The following IMMP2L variants were observed in gnomAD, a reference collection of about 807,000 sequenced individuals.
IMMP2L encodes inner mitochondrial membrane peptidase subunit 2, also known as mitochondrial inner membrane protease subunit 2.
In IMMP2L, 18 loss-of-function variants were observed where a neutral mutation model predicts 19.3. The ratio of observed to expected loss-of-function variants is 0.93; its 90% confidence interval spans 0.64 to 1.38. The LOEUF is 1.38. Among genes scored for constraint, IMMP2L ranks in the 40% most tolerant of loss-of-function variants. The probability of loss-of-function intolerance (pLI) is 0.00; values close to 1 mark genes in which losing one functional copy is unlikely to be tolerated. For missense variants in IMMP2L, 233 were observed against 218.2 expected, an observed-to-expected ratio of 1.07 and a Z score of -0.43; for synonymous variants, 76 against 73.0, an observed-to-expected ratio of 1.04 and a Z score of -0.21.
rs573113093 is a variant in IMMP2L, at chr7:110,928,277, C to A, written c.305+35223G>T. Among the ~76,000 whole-genome samples, 7 of 147,694 alleles carry A rather than the reference C, an allele frequency of 4.7e-5. No homozygotes were observed. The South Asian group carries it at 6.5e-4, about 14-fold the overall frequency. On this transcript the variant is annotated intron_variant, in intron 4 of 5. Coordinates refer to ENST00000405709, the MANE Select transcript of IMMP2L (RefSeq NM_032549.4). ...GCTCTTCTGTTTTTCAATTTAAGAA[C>A]AATAAAGAAAAATTTATTATCCAAA...
intron 3 of IMMP2L, among the ~76,000 whole-genome samples, chr7:111,104,310 T>C (rs1312770552): frequency 6.6e-6 from 1 of 151,800 alleles, no homozygotes; most frequent in Non-Finnish European, 1.5e-5. Flanking sequence ...CTGTAAATGT[T>C]TACTTCTGTA....
chr7:110,704,674 C>T (rs538483284), intron 5 of IMMP2L, among the ~76,000 whole-genome samples: 10 of 152,152 alleles, frequency 6.6e-5, no homozygotes, highest in Non-Finnish European at 1.3e-4. Flanking sequence ...TTCCTACTCA[C>T]CTGGTTTTGC....
rs746214329 is a variant in IMMP2L, at chr7:110,778,936, A to T, written c.408+107657T>A. Among the ~76,000 whole-genome samples the T allele has an allele frequency of 3.9e-5, 6 of 151,980 alleles. No homozygotes were observed. The South Asian group carries it at 8.3e-4, about 21-fold the overall frequency. ...AGTCATCGGGTTAAAATGATTGAAC[A>T]TCCAGCTGGGAAGTGGTGCTCAGTG... On this transcript the variant is annotated intron_variant, in intron 5 of 5. Transcript: ENST00000405709.
At chr7:111,049,041 CTCCAGGCA>C (rs1394661509) in intron 3 of IMMP2L, among the ~76,000 whole-genome samples, 1 of 151,808 alleles carries the variant, frequency 6.6e-6, no homozygotes, top group African/African-American at 2.4e-5. Context: ...AGCCAAATAC[CTCCAGGCA>C]TCTTTTAAAA....
At chr7:111,062,956 TCAGTAGTGCTAC>T (rs1381325177) in intron 3 of IMMP2L, among the ~76,000 whole-genome samples, 1 of 152,186 alleles carries the variant, frequency 6.6e-6, no homozygotes, top group East Asian at 1.9e-4. Context: ...GTGCAAGTTG[TCAGTAGTGCTAC>T]CATTCTGGAG....
intron 3 of IMMP2L, among the ~76,000 whole-genome samples, chr7:111,020,104 C>T (rs920844809): frequency 6.7e-6 from 1 of 148,506 alleles, no homozygotes; most frequent in Non-Finnish European, 1.5e-5. Context: ...AAAAAAAAGG[C>T]CTAGCACGGT....
intron 3 of IMMP2L, among the ~76,000 whole-genome samples, chr7:111,407,367 A>T (rs1479507001): frequency 6.6e-6 from 1 of 152,124 alleles, no homozygotes; most frequent in Non-Finnish European, 1.5e-5. Flanking sequence ...AAGCATATTC[A>T]TGGTATTATT....
At chr7:110,817,555 T>C (rs1802640442) in intron 5 of IMMP2L, among the ~76,000 whole-genome samples, 1 of 152,172 alleles carries the variant, frequency 6.6e-6, no homozygotes, top group African/African-American at 2.4e-5. Flanking sequence ...ATTTATAGAT[T>C]CCATGCCATC....
intron 3 of IMMP2L, among the ~76,000 whole-genome samples, chr7:111,321,248 G>A (rs971771375): frequency 1.3e-5 from 2 of 151,902 alleles, no homozygotes; most frequent in African/African-American, 4.8e-5. Flanking sequence ...CATACAGTGA[G>A]AATGTAAGTC....
At chr7:111,238,437 T>C (rs941972628) in intron 3 of IMMP2L, among the ~76,000 whole-genome samples, 1 of 152,040 alleles carries the variant, frequency 6.6e-6, no homozygotes, top group Non-Finnish European at 1.5e-5. Flanking sequence ...GACAATACGA[T>C]GTATCACTCA....
intron 2 of IMMP2L, among the ~76,000 whole-genome samples, chr7:111,499,728 T>C (rs986257505): frequency 6.6e-6 from 1 of 152,162 alleles, no homozygotes; most frequent in Admixed American, 6.5e-5. Context: ...TTAAGATTCT[T>C]TTCTGTTCTC....
At chr7:110,881,332 C>G (rs1357502688) in intron 5 of IMMP2L, among the ~76,000 whole-genome samples, 1 of 152,104 alleles carries the variant, frequency 6.6e-6, no homozygotes, top group East Asian at 1.9e-4. Context: ...CTAGGTAAAG[C>G]ATGTGAGGTT....
At chr7:111,394,090 T>G (rs1446331900) in intron 3 of IMMP2L, among the ~76,000 whole-genome samples, 1 of 152,188 alleles carries the variant, frequency 6.6e-6, no homozygotes, top group African/African-American at 2.4e-5. Flanking sequence ...TTAAAATATT[T>G]TATCATCTCT....
intron 3 of IMMP2L, among the ~76,000 whole-genome samples, chr7:111,156,051 T>G (rs111526143): frequency 0.042 from 6,350 of 152,102 alleles, 198 homozygotes; most frequent in South Asian, 0.08. Flanking sequence ...TTGTGCCTTT[T>G]CATTGCTCTA....
intron 2 of IMMP2L, among the ~76,000 whole-genome samples, chr7:111,493,124 C>T (rs992697950): frequency 2.6e-5 from 4 of 152,096 alleles, no homozygotes; most frequent in Admixed American, 6.6e-5. Context: ...GTATACATCT[C>T]TTTCAATGAA....
At chr7:110,751,533 T>C (rs4376443) in intron 5 of IMMP2L, among the ~76,000 whole-genome samples, 99,067 of 151,688 alleles carry the variant, frequency 0.65, 32,399 homozygotes, top group East Asian at 0.81. Context: ...AAGAATAACC[T>C]TGATAACCAG....
intron 5 of IMMP2L, among the ~76,000 whole-genome samples, chr7:110,837,356 A>C (rs1323934190): frequency 6.6e-6 from 1 of 152,000 alleles, no homozygotes; most frequent in East Asian, 1.9e-4. Flanking sequence ...AAAGAGGGGA[A>C]GGAAACAAAA....
chr7:110,953,014 T>C (rs1050011835), intron 4 of IMMP2L, among the ~76,000 whole-genome samples: 1 of 152,098 alleles, frequency 6.6e-6, no homozygotes, highest in East Asian at 1.9e-4. Flanking sequence ...GGAATTGTCA[T>C]GTCTTCCAAT....
intron 5 of IMMP2L, among the ~76,000 whole-genome samples, chr7:110,808,786 C>T (rs1314107366): frequency 6.6e-6 from 1 of 151,966 alleles, no homozygotes; most frequent in South Asian, 2.1e-4. Context: ...AACATAGAGA[C>T]GTGAAAACTG....
Sources: allele counts gnomAD v4.1 joint callset (sites outside exome capture counted in the v4.1 genomes callset), GRCh38; gene constraint gnomAD v4.1.1; transcripts MANE v1.5; gene names NCBI Gene and HGNC (gene_info 2026-07-23, HGNC 2026-07-21).